The following SELENOI variants were observed in gnomAD, a reference collection of about 807,000 sequenced individuals.
SELENOI encodes the protein selenoprotein I, also known as ethanolaminephosphotransferase 1.
A neutral mutation model predicts 50.7 loss-of-function variants in SELENOI; 24 were observed. The ratio of observed to expected loss-of-function variants is 0.47; its 90% CI spans 0.34 to 0.67. The LOEUF is 0.67. SELENOI is among the 30% of genes least tolerant of loss of function. The probability of loss-of-function intolerance (pLI) is 0.01; values close to 1 mark genes in which losing one functional copy is unlikely to be tolerated. For missense variants in SELENOI, 352 were observed against 461.4 expected (o/e 0.76, Z 2.17); for synonymous variants, 155 against 170.2 (o/e 0.91, Z 0.70).
chr2:26,349,722 G>A (rs1676913093), intron 1 of SELENOI, among the ~76,000 whole-genome samples: 1 of 114,028 alleles, frequency 8.8e-6, no homozygotes, highest in Non-Finnish European at 1.7e-5. Context: ...GGAAGGCAAA[G>A]TTTTAATTGA....
intron 4 of SELENOI, among the ~76,000 whole-genome samples, chr2:26,371,537 C>G (rs1469942613): frequency 2.0e-5 from 3 of 151,994 alleles, no homozygotes; most frequent in African/African-American, 7.3e-5. Context: ...TGTAGCGAGC[C>G]GAGATCACGC....
At position 26,395,256 on chromosome 2, in the gene SELENOI, C is replaced by T. The variant is rs933453317; in HGVS notation, c.*6153C>T. 1 of 152,194 alleles carries T rather than the reference C, an allele frequency of 6.6e-6. No homozygotes were observed. Among genetic ancestry groups the T allele is most frequent in the African/African-American group, 2.4e-5 (1 of 41,454 alleles). 9.4% of individuals were successfully genotyped at this position (152,194 alleles called of 1,614,324 possible). ...GTCAGCCTTTATCAGATAGTTTCTTCATGTGGAGTTCATCTGCATGTGGCC... is the reference window on the plus strand; with the variant it reads ...GTCAGCCTTTATCAGATAGTTTCTTTATGTGGAGTTCATCTGCATGTGGCC... On this transcript the variant is annotated 3_prime_UTR_variant, in exon 10 of 10. Coordinates refer to ENST00000260585, the MANE Select transcript of SELENOI (RefSeq NM_033505.4).
intron 7 of SELENOI, among the ~76,000 whole-genome samples, chr2:26,384,381 C>G (rs1572337563): frequency 6.6e-6 from 1 of 152,270 alleles, no homozygotes; most frequent in African/African-American, 2.4e-5. Context: ...CAACATATTG[C>G]CCGAGGTCGT....
rs769342789 is a variant in SELENOI, at chr2:26,389,022, C to G, written c.1113C>G (p.Ser371Arg). The change falls in exon 10 of 10, where the codon AGC (serine) becomes AGG (arginine). Residue 371 changes from serine (S) to arginine (R), a missense_variant. Transcript: ENST00000260585. ...TTTCATAGGTAAAGCAGCTGAGCAGCCATTTTCAGATTTACCCCTTCTCAT... is the reference window on the plus strand; with the variant it reads ...TTTCATAGGTAAAGCAGCTGAGCAGGCATTTTCAGATTTACCCCTTCTCAT... The part of the protein sequence containing the change: ...YGVRVVKQLS[S>R]HFQIYPFSLR... The G allele has an allele frequency of 1.2e-5, 19 of 1,587,264 alleles. No homozygotes were observed. Among genetic ancestry groups the G allele is most frequent in the Non-Finnish European group, 1.5e-5 (17 of 1,165,404 alleles).
intron 6 of SELENOI, among the ~76,000 whole-genome samples, chr2:26,382,572 C>CAGA (rs60299481): frequency 0.98 from 149,561 of 152,226 alleles, 73,509 homozygotes; most frequent in Non-Finnish European, 1. Flanking sequence ...TAAGACAAAG[C>CAGA]AGAAGATAGT....
intron 1 of SELENOI, among the ~76,000 whole-genome samples, chr2:26,351,128 G>T (rs1033903540): frequency 3.2e-4 from 46 of 145,596 alleles, no homozygotes; most frequent in African/African-American, 1.2e-3. Flanking sequence ...GTACAATCTC[G>T]GCTCACTGCC....
At chr2:26,355,860 A>G (rs576232560) in intron 1 of SELENOI, among the ~76,000 whole-genome samples, 5 of 147,282 alleles carry the variant, frequency 3.4e-5, no homozygotes, top group South Asian at 2.2e-4. Context: ...TCCCACTTCA[A>G]CCTCTCAAGT....
chr2:26,360,714 A>C (rs1677156054), intron 1 of SELENOI, among the ~76,000 whole-genome samples: 1 of 152,176 alleles, frequency 6.6e-6, no homozygotes, highest in Non-Finnish European at 1.5e-5. Context: ...CCCGCTGGCT[A>C]TATTTCGTGG....
rs537600684 is a variant in SELENOI, at chr2:26,367,006, G to A, written c.236-140G>A. 139 of 654,852 alleles carry A rather than the reference G, an allele frequency of 2.1e-4. No individual in the cohort carries two copies. The African/African-American group carries it at 2.2e-3, about 11-fold the overall frequency. 40.6% of individuals were successfully genotyped at this position (654,852 alleles called of 1,614,324 possible). On this transcript the variant is annotated intron_variant, in intron 3 of 9. Transcript: ENST00000260585. The stretch of plus-strand genomic sequence containing the variant: ...TTATCAGTTTCCTGGTATTATTTAC[G>A]TAATTCTGGATTCAAAATATATTGT...
Position 26,391,554 on chromosome 2 carries a change from G to A in SELENOI, c.*2451G>A, listed in dbSNP as rs186104280. 4 of 152,316 alleles carry A rather than the reference G, an allele frequency of 2.6e-5. No homozygotes were observed. The highest frequency in any genetic ancestry group is 4.8e-5 in the African/African-American group (2 of 41,560). 9.4% of individuals were successfully genotyped at this position (152,316 alleles called of 1,614,324 possible). On this transcript the variant is annotated 3_prime_UTR_variant, in exon 10 of 10. Transcript: ENST00000260585. ...CCCCAGCCTTTCTCCCCAGCATACA[G>A]TGAGCTGCCTTTTGGGGAGCAATGC...
intron 1 of SELENOI, among the ~76,000 whole-genome samples, chr2:26,359,947 AACCC>A (rs1283989609): frequency 1.3e-5 from 2 of 152,138 alleles, no homozygotes; most frequent in African/African-American, 4.8e-5. Flanking sequence ...GAGTCTATCA[AACCC>A]AGCCTGTGGT....
chr2:26,370,909 G>T, intron 4 of SELENOI, among the ~76,000 whole-genome samples: 1 of 99,110 alleles, frequency 1.0e-5, no homozygotes, highest in East Asian at 2.8e-4. Context: ...CCCGGACGGG[G>T]CGGCTGGCCG....
At chr2:26,375,194 T>C in intron 6 of SELENOI, 46 bp downstream of exon 6, 1 of 1,272,432 alleles carries the variant, frequency 7.9e-7, no homozygotes, top group Non-Finnish European at 1.1e-6. Flanking sequence ...CACTTTGTTA[T>C]CAAAAGAGCC....
At chr2:26,372,991 C>G (rs1052513884) in intron 4 of SELENOI, among the ~76,000 whole-genome samples, 1 of 152,180 alleles carries the variant, frequency 6.6e-6, no homozygotes, top group Non-Finnish European at 1.5e-5. Flanking sequence ...TGGGCTCAAA[C>G]AATCTTCCCA....
chr2:26,371,039 C>G (rs1677424368), intron 4 of SELENOI, among the ~76,000 whole-genome samples: 1 of 145,332 alleles, frequency 6.9e-6, no homozygotes, highest in African/African-American at 2.5e-5. Flanking sequence ...TCCTCACTTC[C>G]CAGTAGGGGC....
At chr2:26,362,344 T>A (rs1344563743) in intron 1 of SELENOI, among the ~76,000 whole-genome samples, 1 of 152,198 alleles carries the variant, frequency 6.6e-6, no homozygotes, top group East Asian at 1.9e-4. Flanking sequence ...CACTGATGTA[T>A]TTCTTCCATA....
rs1251786548 is a variant in SELENOI at position 26,394,555 on chromosome 2, G to A, written c.*5452G>A. On this transcript the variant is annotated 3_prime_UTR_variant, in exon 10 of 10. Coordinates refer to ENST00000260585, the MANE Select transcript of SELENOI (RefSeq NM_033505.4). This position sits in a 1 kb window ranked among gnomAD's most constrained non-coding sequence, Gnocchi z 4.1. ...CTTGCCTCCCTAGAGGAGCATTCAG[G>A]AGATAAAGACCTAGCTACATGTAAT... is the stretch of plus-strand genomic sequence containing the variant. The A allele has an allele frequency of 2.0e-5, 3 of 152,086 alleles. No homozygotes were observed. The highest frequency in any genetic ancestry group is 4.4e-5 in the Non-Finnish European group (3 of 68,026). The allele number at this position is 152,086 out of a possible 1,614,324, so 9.4% of individuals were successfully genotyped here.
chr2:26,360,048 C>T (rs1319569417), intron 1 of SELENOI, among the ~76,000 whole-genome samples: 1 of 152,226 alleles, frequency 6.6e-6, no homozygotes, highest in Non-Finnish European at 1.5e-5. Flanking sequence ...ACTGGATTAT[C>T]TACCTGGTTC....
chr2:26,385,565 C>T (rs371582058), intron 8 of SELENOI, among the ~76,000 whole-genome samples: 1 of 152,096 alleles, frequency 6.6e-6, no homozygotes, highest in Admixed American at 6.5e-5. Context: ...AGATTAAGAA[C>T]GTGGAATTTA....
Sources: allele counts gnomAD v4.1 joint callset (sites outside exome capture counted in the v4.1 genomes callset), GRCh38; gene constraint gnomAD v4.1.1; non-coding constraint Gnocchi (gnomAD v3.1); transcripts MANE v1.5; gene names NCBI Gene and HGNC (gene_info 2026-07-23, HGNC 2026-07-21).